The following SLC6A9 variants were observed in gnomAD, a reference collection of about 807,000 sequenced individuals.
SLC6A9 encodes the protein sodium- and chloride-dependent glycine transporter 1.
In SLC6A9, 31 loss-of-function variants were observed where a neutral mutation model predicts 70.9. The observed-to-expected ratio is 0.44, with a 90% CI of 0.33 to 0.59. The LOEUF (loss-of-function observed/expected upper bound fraction) is 0.59. SLC6A9 is among the 20% of genes least tolerant of loss of function. SLC6A9 has a pLI of 0.04. For missense variants in SLC6A9, 631 were observed against 845.2 expected, an observed-to-expected ratio of 0.75 and a Z score of 3.14; for synonymous variants, 310 against 341.3, an observed-to-expected ratio of 0.91 and a Z score of 1.01.
chr1:44,010,710 T>C lies in SLC6A9; in HGVS notation c.187+16A>G, dbSNP rs201695332. On this transcript the variant is annotated intron_variant, in intron 3 of 13. Coordinates refer to ENST00000372310, the MANE Select transcript of SLC6A9 (RefSeq NM_001024845.3). ...CTACCCAAGTGGGTGGTCCCTGCCC[T>C]GTGCCCACTGGGTACCTCCCCCGTT... 1 of 1,613,176 alleles carries C rather than the reference T, an allele frequency of 6.2e-7. No homozygotes were observed. Among genetic ancestry groups the C allele is most frequent in the Non-Finnish European group, 8.5e-7 (1 of 1,179,274 alleles).
rs773010190 is a variant in SLC6A9 at position 44,002,954 on chromosome 1, C to T, written c.622G>A (p.Gly208Arg). 2 of 1,614,016 alleles carry T rather than the reference C, an allele frequency of 1.2e-6. No homozygotes were observed. Among genetic ancestry groups the T allele is most frequent in the Admixed American group, 3.3e-5 (2 of 59,992 alleles). The change falls in exon 6 of 14, where the codon GGG (glycine) becomes AGG (arginine). Residue 208 changes from glycine to arginine, a missense_variant. Transcript: ENST00000372310. The surrounding 1 kb of genome is among the most constrained non-coding windows in gnomAD (Gnocchi z 5.5). ...LYVLKLSDDI[G>R]NFGEVRLPLL... ...GGCAGCCGCACCTCCCCAAAGTTCC[C>T]AATGTCATCTGACAGCTTCAGCACG...
In SLC6A9 at chr1:43,996,790, G is replaced by A. The variant is rs1166599104; in HGVS notation, c.*755C>T. ...GGGAGGGCAAGGGGGTGTCGTGCAGGGTCCCCTTCCCCAGGGTGCTGGGCT... is the reference window on the plus strand; with the variant it reads ...GGGAGGGCAAGGGGGTGTCGTGCAGAGTCCCCTTCCCCAGGGTGCTGGGCT... On this transcript the variant is annotated 3_prime_UTR_variant, in exon 14 of 14. Coordinates refer to ENST00000372310, the MANE Select transcript of SLC6A9 (RefSeq NM_001024845.3). The A allele has an allele frequency of 6.5e-6, 1 of 152,910 alleles. No homozygotes were observed. The highest frequency in any genetic ancestry group is 6.5e-5 in the Admixed American group (1 of 15,286). 9.5% of individuals were successfully genotyped at this position (152,910 alleles called of 1,614,324 possible). A position where few individuals can be genotyped will look rare whatever the true frequency, so the allele number is the denominator to read the frequency against.
rs2086253931 is a variant in SLC6A9, at chr1:44,004,859, A to C, written c.591-1874T>G. On this transcript the variant is annotated intron_variant, in intron 5 of 13. Coordinates refer to ENST00000372310, the MANE Select transcript of SLC6A9 (RefSeq NM_001024845.3). ...ACGTATTTACAAGTGACCTCTTGACACATGACATCTCCAGAATTACTCTGC... is the reference window on the plus strand; with the variant it reads ...ACGTATTTACAAGTGACCTCTTGACCCATGACATCTCCAGAATTACTCTGC... 2.0e-5 allele frequency among the ~76,000 whole-genome samples: 3 copies of C among 152,336 alleles called. No individual in the cohort carries two copies. The South Asian group carries it at 6.2e-4, about 32-fold the overall frequency.
intron 1 of SLC6A9, among the ~76,000 whole-genome samples, chr1:44,026,525 G>T (rs1245574124): frequency 6.6e-6 from 1 of 152,186 alleles, no homozygotes; most frequent in East Asian, 1.9e-4. Flanking sequence ...CAGGTATGGT[G>T]GTATGCGCCT....
chr1:44,003,217 C>T (rs1209849468), intron 5 of SLC6A9, among the ~76,000 whole-genome samples: 1 of 152,248 alleles, frequency 6.6e-6, no homozygotes, highest in Non-Finnish European at 1.5e-5. Flanking sequence ...CTTTCCCAGG[C>T]CCTTCAAGGG....
intron 5 of SLC6A9, among the ~76,000 whole-genome samples, chr1:44,005,110 T>A (rs2086261933): frequency 6.6e-6 from 1 of 152,126 alleles, no homozygotes; most frequent in Non-Finnish European, 1.5e-5. Context: ...GTGAACGACC[T>A]CCCAAGGCCA....
chr1:44,011,234 C>G (rs2086555976), intron 2 of SLC6A9, among the ~76,000 whole-genome samples: 1 of 152,224 alleles, frequency 6.6e-6, no homozygotes. Context: ...GGGTAAGGAT[C>G]TGGGAGCAGC....
Position 44,010,100 on chromosome 1 carries a change from G to A in SLC6A9, c.188-4C>T. 1 of 1,613,698 alleles carries A rather than the reference G, an allele frequency of 6.2e-7. No individual in the cohort carries two copies. The highest frequency in any genetic ancestry group is 8.5e-7 in the Non-Finnish European group (1 of 1,179,730). On this transcript the variant is annotated splice_region_variant and splice_polypyrimidine_tract_variant and intron_variant, in intron 3 of 13. Transcript: ENST00000372310. ...AAGTAGGGGAACATGAAGGCGCCTGGTAGGCAGGGAGAGGTCTGGCTCAGG... is the reference window on the plus strand; with the variant it reads ...AAGTAGGGGAACATGAAGGCGCCTGATAGGCAGGGAGAGGTCTGGCTCAGG...
chr1:44,020,675 A>G (rs781768312), intron 2 of SLC6A9, among the ~76,000 whole-genome samples: 10 of 152,186 alleles, frequency 6.6e-5, no homozygotes, highest in Non-Finnish European at 1.3e-4. Flanking sequence ...TAATGCACCA[A>G]GCCTGCACTA....
rs761590316 is a variant in SLC6A9 at position 43,997,995 on chromosome 1, G to T, written c.1567C>A (p.Gln523Lys). The T allele has an allele frequency of 6.2e-7, 1 of 1,613,872 alleles. No individual in the cohort carries two copies. Among genetic ancestry groups the T allele is most frequent in the Non-Finnish European group, 8.5e-7 (1 of 1,179,826 alleles). Residue 523 changes from glutamine to lysine, a missense_variant, in exon 13 of 14, where the codon CAG becomes AAG. By Grantham distance (53) the Gln-to-Lys change is moderately conservative. Transcript: ENST00000372310. This position sits in a 1 kb window ranked among gnomAD's most constrained non-coding sequence, Gnocchi z 4.4. ...FILVFTVIQY[Q>K]PITYNHYQYP... ...TGGTAGTGGTTGTAGGTGATCGGCT[G>T]GTACTGGATCACAGTGAAAACTAGA...
At chr1:44,028,854 A>G (rs535509267) in intron 1 of SLC6A9, among the ~76,000 whole-genome samples, 2 of 152,170 alleles carry the variant, frequency 1.3e-5, no homozygotes, top group Non-Finnish European at 2.9e-5. Context: ...CCAAAAATGA[A>G]GGGGCTCAGG....
chr1:44,010,051 A>T lies in SLC6A9; in HGVS notation c.233T>A (p.Ile78Asn), dbSNP rs1446577638. Residue 78 changes from isoleucine to asparagine, a missense_variant, in exon 4 of 14, where the codon ATC becomes AAC. Physicochemically the swap from Ile to Asn is moderately radical, Grantham distance 149. Transcript: ENST00000372310. ...GGAGAGCTCCATGAAGAAGAGGGGG[A>T]TCCCGCAGAAGATGAGCATGATGAA... ...PYFIMLIFCG[I>N]PLFFMELSFG... 6.2e-7 allele frequency: 1 copy of T among 1,614,028 alleles called. No homozygotes were observed. The highest frequency in any genetic ancestry group is 8.5e-7 in the Non-Finnish European group (1 of 1,179,946).
In SLC6A9 at chr1:44,026,303, C is replaced by T. The variant is rs1438967306; in HGVS notation, c.-85-1941G>A. Among the ~76,000 whole-genome samples the T allele has an allele frequency of 1.2e-4, 18 of 152,250 alleles. 1 individual carries two copies. The highest frequency in any genetic ancestry group is 1.0e-3 in the Admixed American group (16 of 15,292). ...CTATATTTGACTTCCTTAAAGCCAT[C>T]TGTCTGCAGTCAAGGACTAATAATG... On this transcript the variant is annotated intron_variant, in intron 1 of 13. Transcript: ENST00000372310.
chr1:44,029,631 A>G (rs748500360), intron 1 of SLC6A9, among the ~76,000 whole-genome samples: 12 of 152,128 alleles, frequency 7.9e-5, no homozygotes, highest in Non-Finnish European at 1.5e-4. Context: ...TGCCACACGT[A>G]GCAATTGAGG....
At chr1:44,008,012 AC>A (rs2086383098) in intron 5 of SLC6A9, among the ~76,000 whole-genome samples, 1 of 150,376 alleles carries the variant, frequency 6.6e-6, no homozygotes, top group African/African-American at 2.5e-5. Flanking sequence ...TGTGCCTGCC[AC>A]CACGCCCGGC....
In SLC6A9 at chr1:43,996,569, T is replaced by C. The variant is rs774654322; in HGVS notation, c.*976A>G. On this transcript the variant is annotated 3_prime_UTR_variant, in exon 14 of 14. Transcript: ENST00000372310. ...ATGGGCAGGGATGGGCGGCGCACCGTTATTGCTACAGAGGATTAGAGGTGG... is the reference window on the plus strand; with the variant it reads ...ATGGGCAGGGATGGGCGGCGCACCGCTATTGCTACAGAGGATTAGAGGTGG... 4 of 188,982 alleles carry C rather than the reference T, an allele frequency of 2.1e-5. No homozygotes were observed. Among genetic ancestry groups the C allele is most frequent in the Non-Finnish European group, 4.3e-5 (4 of 92,224 alleles). 11.7% of individuals were successfully genotyped at this position (188,982 alleles called of 1,614,324 possible).
intron 1 of SLC6A9, among the ~76,000 whole-genome samples, chr1:44,029,404 C>T (rs2087049954): frequency 6.6e-6 from 1 of 152,202 alleles, no homozygotes; most frequent in Admixed American, 6.5e-5. Context: ...CAGCCTGCGG[C>T]CATCTGCCGC....
At chr1:44,008,693 TTTTTTTCTTTTCTTTTC>T in intron 4 of SLC6A9, 70 bp from the exon 5 acceptor site, 2 of 1,275,326 alleles carry the variant, frequency 1.6e-6, no homozygotes, top group African/African-American at 3.8e-5. Context: ...AATAATTTCT[TTTTTTTCTTTTCTTTTC>T]TTTTTTTTTT....
At chr1:44,017,002 G>T (rs202071219) in intron 2 of SLC6A9, 3 of 1,552,506 alleles carry the variant, frequency 1.9e-6, no homozygotes, top group Non-Finnish European at 2.6e-6. Flanking sequence ...CTCTCAGCCT[G>T]CCTGGCACCA....
Sources: allele counts gnomAD v4.1 joint callset (sites outside exome capture counted in the v4.1 genomes callset), GRCh38; gene constraint gnomAD v4.1.1; non-coding constraint Gnocchi (gnomAD v3.1); transcripts MANE v1.5; gene names NCBI Gene and HGNC (gene_info 2026-07-23, HGNC 2026-07-21).